HMG20A: variants seen among roughly 807,000 people sequenced by gnomAD.
The protein encoded by HMG20A is high mobility group protein 20A.
Under a neutral mutation model 43.9 loss-of-function variants are expected in HMG20A, and 17 were observed. The observed-to-expected ratio is 0.39, with a 90% CI of 0.27 to 0.58. The LOEUF is 0.58. Ranked by LOEUF, HMG20A falls within the 20% of genes least tolerant of loss-of-function variation. The pLI is 0.59. For synonymous variants in HMG20A, 132 were observed against 147.5 expected (o/e 0.89, Z 0.76); for missense variants, 341 against 438.2 (o/e 0.78, Z 1.98).
chr15:77,464,473 A>G, intron 3 of HMG20A, 86 bp downstream of exon 3: 2 of 1,386,820 alleles, frequency 1.4e-6, no homozygotes, highest in African/African-American at 1.4e-5. Context: ...CAAGGTGTTC[A>G]TATGACCTTC....
chr15:77,500,706 T>C, the HMG20A span, among the ~76,000 whole-genome samples: 2 of 152,014 alleles, frequency 1.3e-5, no homozygotes, highest in Admixed American at 1.3e-4. Flanking sequence ...GTAGCTGGGA[T>C]TACAGGTGCC....
intron 8 of HMG20A, 74 bp from the exon 9 acceptor site, chr15:77,479,105 G>C: frequency 7.0e-7 from 1 of 1,431,668 alleles, no homozygotes. Context: ...TAGAATCACT[G>C]TTTCTTTGAA....
At chr15:77,500,542 G>A in the HMG20A span, among the ~76,000 whole-genome samples, 1 of 148,776 alleles carries the variant, frequency 6.7e-6, no homozygotes, top group African/African-American at 2.5e-5. Flanking sequence ...ACCACTCGCT[G>A]TTCCCCAAAC....
intron 1 of HMG20A, among the ~76,000 whole-genome samples, chr15:77,449,727 C>CCA (rs143945574): frequency 0.026 from 3,903 of 152,156 alleles, 110 homozygotes; most frequent in African/African-American, 0.072. Flanking sequence ...CCCTGTCCCC[C>CCA]CACACACACA....
intron 1 of HMG20A, among the ~76,000 whole-genome samples, chr15:77,438,504 G>A (rs1427945167): frequency 4.6e-5 from 7 of 151,940 alleles, no homozygotes; most frequent in Non-Finnish European, 7.4e-5. Flanking sequence ...ATGTATTCAC[G>A]TGTTTTATAG....
the HMG20A span, among the ~76,000 whole-genome samples, chr15:77,504,489 C>T: frequency 5.9e-5 from 9 of 152,352 alleles, no homozygotes; most frequent in African/African-American, 9.6e-5. Context: ...GCGCGGGGTG[C>T]GCCTTCTGGC....
chr15:77,513,466 G>A, the HMG20A span, among the ~76,000 whole-genome samples: 12,405 of 152,188 alleles, frequency 0.082, 619 homozygotes, highest in Non-Finnish European at 0.11. Flanking sequence ...GCATCAGTCC[G>A]CCTGGGCCAC....
chr15:77,443,287 C>T lies in HMG20A; in HGVS notation c.-4-15117C>T, dbSNP rs2073633198. ...ACTTTAAGTGATCTGCCCACCTCGG[C>T]CTCCCAACACTTTGAACATTTTGAT... On this transcript the variant is annotated intron_variant, in intron 1 of 9. Transcript: ENST00000336216. Among the ~76,000 whole-genome samples, 5 of 150,374 alleles carry T rather than the reference C, an allele frequency of 3.3e-5. No individual in the cohort carries two copies. In the South Asian group the frequency reaches 1.0e-3, roughly 32 times the overall value.
At position 77,438,058 on chromosome 15, in the gene HMG20A, G is replaced by A. The variant is rs141416811; in HGVS notation, c.-5+17054G>A. 4.5e-3 allele frequency among the ~76,000 whole-genome samples: 676 copies of A among 151,644 alleles called. 5 individuals carry two copies. Among genetic ancestry groups the A allele is most frequent in the African/African-American group, 0.016 (647 of 41,290 alleles). On this transcript the variant is annotated intron_variant, in intron 1 of 9. Transcript: ENST00000336216. The stretch of plus-strand genomic sequence containing the variant: ...TGCAGCCTTGAACTCCTAGGCAAAA[G>A]TGATCCTCCCGCCTCAGCCTCCCAA...
At chr15:77,438,799 C>CT (rs201957957) in intron 1 of HMG20A, among the ~76,000 whole-genome samples, 1,929 of 149,100 alleles carry the variant, frequency 0.013, 54 homozygotes, top group African/African-American at 0.043. Flanking sequence ...TTTCAAGTTT[C>CT]TTTTTTTTTT....
At chr15:77,451,324 AT>A (rs1403568978) in intron 1 of HMG20A, among the ~76,000 whole-genome samples, 1 of 152,176 alleles carries the variant, frequency 6.6e-6, no homozygotes, top group African/African-American at 2.4e-5. Flanking sequence ...AGTATGTTTA[AT>A]TTTGTAAAAA....
At chr15:77,433,338 T>A (rs1191118964) in intron 1 of HMG20A, among the ~76,000 whole-genome samples, 18 of 118,496 alleles carry the variant, frequency 1.5e-4, no homozygotes, top group African/African-American at 3.4e-4. Context: ...ACCCTGTCTC[T>A]AAAAAAAAAA....
chr15:77,479,912 C>T (rs1423565782), intron 9 of HMG20A, among the ~76,000 whole-genome samples: 1 of 152,186 alleles, frequency 6.6e-6, no homozygotes, highest in East Asian at 1.9e-4. Flanking sequence ...ATATTCACCA[C>T]TCAATAACAC....
At chr15:77,429,180 T>G (rs1369862068) in intron 1 of HMG20A, among the ~76,000 whole-genome samples, 1 of 152,074 alleles carries the variant, frequency 6.6e-6, no homozygotes, top group African/African-American at 2.4e-5. Context: ...CCATCTCTAC[T>G]AAACAAAATA....
intron 6 of HMG20A, among the ~76,000 whole-genome samples, chr15:77,476,486 GAAAAAAAAA>G (rs148901766): frequency 0.011 from 859 of 81,436 alleles, 18 homozygotes; most frequent in African/African-American, 0.055. Context: ...CTCCCTCTCA[GAAAAAAAAA>G]AAAAAAAAAA....
the HMG20A span, among the ~76,000 whole-genome samples, chr15:77,495,483 A>C: frequency 6.6e-6 from 1 of 152,216 alleles, no homozygotes; most frequent in African/African-American, 2.4e-5. Context: ...CAGAAAGCAG[A>C]GGTTGTAGTG....
chr15:77,457,977 T>G (rs2072670223), intron 1 of HMG20A, among the ~76,000 whole-genome samples: 1 of 152,218 alleles, frequency 6.6e-6, no homozygotes, highest in Non-Finnish European at 1.5e-5. Flanking sequence ...TTTTAATCTC[T>G]CACAATAACC....
chr15:77,446,501 A>T (rs1222715344), intron 1 of HMG20A, among the ~76,000 whole-genome samples: 1 of 152,152 alleles, frequency 6.6e-6, no homozygotes, highest in Non-Finnish European at 1.5e-5. Flanking sequence ...AATCACCAAG[A>T]TGTGAGTAAA....
At chr15:77,458,908 T>C (rs2072680824) in intron 2 of HMG20A, among the ~76,000 whole-genome samples, 2 of 152,374 alleles carry the variant, frequency 1.3e-5, no homozygotes, top group East Asian at 1.9e-4. Context: ...TTAGTAACTT[T>C]AGCTGACTTC....
Sources: gnomAD v4.1 joint callset for allele counts (sites outside exome capture counted in the v4.1 genomes callset) on GRCh38, gnomAD v4.1.1 for gene constraint, MANE v1.5 for transcripts, NCBI Gene and HGNC (gene_info 2026-07-23, HGNC 2026-07-21) for gene names.